Variants in ARPC2 observed in about 807,000 individuals in gnomAD.
The protein encoded by ARPC2 is actin-related protein 2/3 complex subunit 2.
In ARPC2, 4 loss-of-function variants were observed where a neutral mutation model predicts 38.6. The observed-to-expected ratio is 0.10, with a 90% CI of 0.05 to 0.24. ARPC2 has a LOEUF of 0.24. ARPC2 is among the 10% of genes least tolerant of loss of function. The pLI, the probability that ARPC2 is intolerant of heterozygous loss-of-function variation, is 1.00. For synonymous variants in ARPC2, 125 were observed against 140.8 expected, an observed-to-expected ratio of 0.89 and a Z score of 0.79; for missense variants, 229 against 387.3, an observed-to-expected ratio of 0.59 and a Z score of 3.43.
intron 10 of ARPC2, among the ~76,000 whole-genome samples, chr2:218,250,597 G>A (rs911171176): frequency 6.6e-6 from 1 of 151,020 alleles, no homozygotes; most frequent in African/African-American, 2.4e-5. Context: ...CCAGGAGGCA[G>A]AGGTCGCAGT....
At chr2:218,239,576 A>T in intron 7 of ARPC2, 92 bp downstream of exon 7, 1 of 1,047,456 alleles carries the variant, frequency 9.5e-7, no homozygotes, top group Non-Finnish European at 1.4e-6. Flanking sequence ...AGATCTAGCA[A>T]CTCTACTGAT....
chr2:218,245,509 C>T lies in ARPC2; in HGVS notation c.639C>T (p.Asp213=), dbSNP rs752355286. ...REPPLELKDT[D]AAVGDNIGYI... The stretch of plus-strand genomic sequence containing the variant: ...CTCCTCTGGAGCTGAAAGACACAGA[C>T]GCCGCTGTGGGTGACAACATTGGCT... Residue 213 remains aspartate, a synonymous_variant, in exon 8 of 11, where the codon GAC becomes GAT. Transcript: ENST00000315717. 6.5e-5 allele frequency: 105 copies of T among 1,614,076 alleles called. No homozygotes were observed. Among genetic ancestry groups the T allele is most frequent in the South Asian group, 4.1e-4 (37 of 91,092 alleles).
intron 2 of ARPC2, among the ~76,000 whole-genome samples, chr2:218,218,215 T>G (rs1214065023): frequency 6.6e-6 from 1 of 152,210 alleles, no homozygotes; most frequent in Non-Finnish European, 1.5e-5. Context: ...TCCTTTGAGG[T>G]TCTAATGCTC....
At chr2:218,244,670 T>C (rs1200570060) in intron 7 of ARPC2, among the ~76,000 whole-genome samples, 1 of 152,210 alleles carries the variant, frequency 6.6e-6, no homozygotes, top group East Asian at 1.9e-4. Context: ...TAGGAGGCAG[T>C]ATTTGAGCAG....
rs767853202 is a variant in ARPC2 at position 218,245,560 on chromosome 2, A to T, written c.676+14A>T. 6.2e-7 allele frequency: 1 copy of T among 1,613,840 alleles called. No homozygotes were observed. Among genetic ancestry groups the T allele is most frequent in the East Asian group, 2.2e-5 (1 of 44,894 alleles). On this transcript the variant is annotated intron_variant, in intron 8 of 10. Coordinates refer to ENST00000315717, the MANE Select transcript of ARPC2 (RefSeq NM_152862.3). Reference sequence around the variant, plus strand: ...ACATTACCTTTGGTGAGCAGGGTGCACTTGCTGCTTTTGTGCCGCTTTAAT... The same window carrying T: ...ACATTACCTTTGGTGAGCAGGGTGCTCTTGCTGCTTTTGTGCCGCTTTAAT...
chr2:218,254,027 T>A lies in ARPC2; in HGVS notation c.*112T>A. 6.9e-7 allele frequency: 1 copy of A among 1,447,058 alleles called. No homozygotes were observed. Among genetic ancestry groups the A allele is most frequent in the Non-Finnish European group, 9.6e-7 (1 of 1,044,432 alleles). 89.6% of individuals were successfully genotyped at this position (1,447,058 alleles called of 1,614,324 possible). On this transcript the variant is annotated 3_prime_UTR_variant, in exon 11 of 11. Coordinates refer to ENST00000315717, the MANE Select transcript of ARPC2 (RefSeq NM_152862.3). ...TTCAGGTTCTTAAGGGATTCTCCGT[T>A]TTGGTTCCATTTTGTACACGTTTGG...
intron 4 of ARPC2, chr2:218,233,876 G>C (rs1360089098): frequency 1.3e-5 from 2 of 152,930 alleles, no homozygotes; most frequent in African/African-American, 4.8e-5. Context: ...TTTGATTAAA[G>C]ATTCTCGGCC....
In ARPC2 at chr2:218,223,521, A is replaced by G. The variant is rs563375913; in HGVS notation, c.75-2399A>G. ...TCTTTGCTACAGTTCAGTGCTATCC[A>G]CACTTTTATTTATCCACTGGGTGTC... On this transcript the variant is annotated intron_variant, in intron 2 of 10. Transcript: ENST00000315717. 2.6e-5 allele frequency among the ~76,000 whole-genome samples: 4 copies of G among 152,324 alleles called. No homozygotes were observed. In the East Asian group the frequency reaches 7.7e-4, roughly 29 times the overall value.
intron 8 of ARPC2, among the ~76,000 whole-genome samples, chr2:218,246,486 C>T (rs1412929073): frequency 6.6e-6 from 1 of 151,980 alleles, no homozygotes; most frequent in Non-Finnish European, 1.5e-5. Context: ...GCTGAGATCA[C>T]ACCATTGCAC....
At chr2:218,236,317 C>A (rs1348190524) in intron 5 of ARPC2, 1 of 152,088 alleles carries the variant, frequency 6.6e-6, no homozygotes, top group African/African-American at 2.4e-5. Context: ...AGCTCTAAAT[C>A]TTTTCTTTTT....
At chr2:218,234,747 T>G (rs1409539502) in intron 5 of ARPC2, 2 of 471,528 alleles carry the variant, frequency 4.2e-6, no homozygotes, top group Non-Finnish European at 8.3e-6. Flanking sequence ...CCCTCGGCCC[T>G]TAGTAATTCT....
intron 8 of ARPC2, among the ~76,000 whole-genome samples, chr2:218,247,937 C>T (rs549187862): frequency 7.1e-4 from 88 of 123,266 alleles, no homozygotes; most frequent in African/African-American, 1.3e-3. Context: ...AACAAGACTC[C>T]GTCTCAAAAA....
intron 2 of ARPC2, among the ~76,000 whole-genome samples, chr2:218,218,233 A>G (rs1689302658): frequency 1.3e-5 from 2 of 152,190 alleles, no homozygotes; most frequent in East Asian, 1.9e-4. Context: ...CTCTCTCCTC[A>G]CCCACTAGCC....
At chr2:218,222,116 A>C (rs1689395963) in intron 2 of ARPC2, among the ~76,000 whole-genome samples, 1 of 152,082 alleles carries the variant, frequency 6.6e-6, no homozygotes, top group Non-Finnish European at 1.5e-5. Flanking sequence ...AAAATACAAA[A>C]ATTAGCCAGG....
In ARPC2 at chr2:218,254,035, C is replaced by G; in HGVS notation, c.*120C>G. ...CTTAAGGGATTCTCCGTTTTGGTTCCATTTTGTACACGTTTGGAAAATAAT... is the reference window on the plus strand; with the variant it reads ...CTTAAGGGATTCTCCGTTTTGGTTCGATTTTGTACACGTTTGGAAAATAAT... On this transcript the variant is annotated 3_prime_UTR_variant, in exon 11 of 11. Transcript: ENST00000315717. 1 of 1,341,060 alleles carries G rather than the reference C, an allele frequency of 7.5e-7. No homozygotes were observed. Among genetic ancestry groups the G allele is most frequent in the Non-Finnish European group, 1.0e-6 (1 of 954,748 alleles). 83.1% of individuals were successfully genotyped at this position (1,341,060 alleles called of 1,614,324 possible).
intron 7 of ARPC2, among the ~76,000 whole-genome samples, chr2:218,239,947 AT>A (rs1486668341): frequency 6.6e-6 from 1 of 150,522 alleles, no homozygotes; most frequent in South Asian, 2.1e-4. Flanking sequence ...CTCAGTGAAT[AT>A]TTTTTGTTGC....
At chr2:218,232,928 A>G (rs146820040) in intron 4 of ARPC2, 73 of 152,056 alleles carry the variant, frequency 4.8e-4, no homozygotes, top group African/African-American at 1.7e-3. Context: ...AACTTCCCCT[A>G]TAACAACATG....
chr2:218,225,723 C>T (rs1217003425), intron 2 of ARPC2, among the ~76,000 whole-genome samples, 197 bp from the exon 3 acceptor site: 1 of 151,010 alleles, frequency 6.6e-6, no homozygotes, highest in South Asian at 2.1e-4. Flanking sequence ...TCTGACCTTC[C>T]TTTTTTATCC....
chr2:218,239,574 C>A (rs1689859505), intron 7 of ARPC2, 90 bp downstream of exon 7: 5 of 1,031,646 alleles, frequency 4.8e-6, no homozygotes, highest in African/African-American at 1.6e-5. Context: ...AGAGATCTAG[C>A]AACTCTACTG....
Sources: gnomAD v4.1 joint callset for allele counts (sites outside exome capture counted in the v4.1 genomes callset) on GRCh38, gnomAD v4.1.1 for gene constraint, MANE v1.5 for transcripts, NCBI Gene and HGNC (gene_info 2026-07-23, HGNC 2026-07-21) for gene names.